The following NUMB variants were observed in gnomAD, a reference collection of about 807,000 sequenced individuals.
NUMB encodes the protein NUMB endocytic adaptor protein, also known as protein numb homolog.
In NUMB, 29 loss-of-function variants were observed where a neutral mutation model predicts 59.7. The ratio of observed to expected loss-of-function variants is 0.49; its 90% CI spans 0.36 to 0.66. NUMB has a LOEUF of 0.66. Ranked by LOEUF, NUMB falls within the 30% of genes least tolerant of loss-of-function variation. The probability of loss-of-function intolerance (pLI) is 0.00; values close to 1 mark genes in which losing one functional copy is unlikely to be tolerated. For synonymous variants in NUMB, 288 were observed against 288.2 expected (o/e 1.00, Z 0.01); for missense variants, 723 against 822.0 (o/e 0.88, Z 1.47).
chr14:73,318,893 A>C (rs1891231972), intron 5 of NUMB, among the ~76,000 whole-genome samples: 2 of 152,352 alleles, frequency 1.3e-5, no homozygotes, highest in South Asian at 4.1e-4. Flanking sequence ...CTTCCAATTG[A>C]AGTTAATGTA....
At chr14:73,346,295 C>A (rs1273972495) in intron 4 of NUMB, among the ~76,000 whole-genome samples, 1 of 152,056 alleles carries the variant, frequency 6.6e-6, no homozygotes, top group Non-Finnish European at 1.5e-5. Flanking sequence ...GCTTGACCAA[C>A]ATGGAGAAAC....
At chr14:73,280,686 ATTTTTTTTTT>A (rs397852698) in intron 11 of NUMB, among the ~76,000 whole-genome samples, 98 of 87,696 alleles carry the variant, frequency 1.1e-3, no homozygotes, top group African/African-American at 4.0e-3. Context: ...TGTTGGTACT[ATTTTTTTTTT>A]TTTTTTTTTT....
chr14:73,369,240 A>G (rs545178491), intron 2 of NUMB, among the ~76,000 whole-genome samples: 2 of 152,064 alleles, frequency 1.3e-5, no homozygotes, highest in African/African-American at 4.8e-5. Context: ...ACAGGGTTTC[A>G]CCATGTTGGC....
intron 1 of NUMB, among the ~76,000 whole-genome samples, chr14:73,428,899 A>G (rs1359774929): frequency 1.3e-5 from 2 of 152,216 alleles, no homozygotes; most frequent in African/African-American, 4.8e-5. Flanking sequence ...TAGAACTTTA[A>G]TTGGAGAGGT....
chr14:73,353,072 G>GTTTTTCTTTTTTTTT (rs71450219), intron 4 of NUMB, among the ~76,000 whole-genome samples: 861 of 58,496 alleles, frequency 0.015, 226 homozygotes, highest in East Asian at 0.078. Flanking sequence ...AGTTTTTCTT[G>GTTTTTCTTTTTTTTT]TTTTTTTTTT....
At chr14:73,340,859 C>T (rs770964464) in intron 4 of NUMB, among the ~76,000 whole-genome samples, 30 of 152,166 alleles carry the variant, frequency 2.0e-4, no homozygotes, top group Non-Finnish European at 2.8e-4. Flanking sequence ...CCATGTGTCA[C>T]GGGAGGAACC....
In NUMB at chr14:73,288,875, T is replaced by TA. The variant is rs1211811206; in HGVS notation, c.451-1562dup. Among the ~76,000 whole-genome samples, 9 of 149,620 alleles carry TA rather than the reference T, an allele frequency of 6.0e-5. No homozygotes were observed. In the South Asian group the frequency reaches 1.1e-3, roughly 18 times the overall value. ...ACTCCGTCTCAAAAAAAATAATAAT[T>TA]AAAAAAAAAGAAAAAGAAAAAATTA... On this transcript the variant is annotated intron_variant, in intron 8 of 12. Transcript: ENST00000555238.
At chr14:73,298,705 T>C (rs936889375) in intron 6 of NUMB, 6 of 152,162 alleles carry the variant, frequency 3.9e-5, no homozygotes, top group African/African-American at 1.4e-4. Context: ...AGGGAGACTT[T>C]TAGAACTACC....
chr14:73,396,183 A>G (rs1488635016), intron 2 of NUMB, among the ~76,000 whole-genome samples: 1 of 152,168 alleles, frequency 6.6e-6, no homozygotes, highest in East Asian at 1.9e-4. Flanking sequence ...CCTGGGCTCA[A>G]GTGATCCTCC....
intron 2 of NUMB, among the ~76,000 whole-genome samples, chr14:73,407,652 GTTAAA>G (rs1292309889): frequency 2.6e-5 from 4 of 152,252 alleles, no homozygotes; most frequent in African/African-American, 9.6e-5. Context: ...AACCGACTCT[GTTAAA>G]TTAAACTCAT....
At chr14:73,384,421 A>G (rs952261408) in intron 2 of NUMB, among the ~76,000 whole-genome samples, 1 of 152,130 alleles carries the variant, frequency 6.6e-6, no homozygotes, top group African/African-American at 2.4e-5. Flanking sequence ...CTTTCAGACA[A>G]AAATAGAACA....
At chr14:73,374,042 T>C (rs1374910985) in intron 2 of NUMB, among the ~76,000 whole-genome samples, 1 of 152,124 alleles carries the variant, frequency 6.6e-6, no homozygotes, top group Non-Finnish European at 1.5e-5. Context: ...CTAATTTTTG[T>C]ATTTTTAGTA....
intron 1 of NUMB, among the ~76,000 whole-genome samples, chr14:73,423,624 G>C (rs1897452067): frequency 6.6e-6 from 1 of 150,844 alleles, no homozygotes; most frequent in Admixed American, 6.6e-5. Flanking sequence ...CTGAGCATCA[G>C]AGCAAGATTC....
chr14:73,367,348 T>TATATATATATAGAGAGAGAGAGAG (rs1555375287), intron 2 of NUMB, among the ~76,000 whole-genome samples: 24 of 105,284 alleles, frequency 2.3e-4, no homozygotes, highest in African/African-American at 1.2e-3. Context: ...TATATATATA[T>TATATATATATAGAGAGAGAGAGAG]AGAGAGAGAG....
intron 1 of NUMB, among the ~76,000 whole-genome samples, chr14:73,456,753 G>A (rs1350577251): frequency 6.6e-6 from 1 of 152,168 alleles, no homozygotes; most frequent in Non-Finnish European, 1.5e-5. Flanking sequence ...ATTATTACCG[G>A]TTTCATTAAA....
intron 1 of NUMB, among the ~76,000 whole-genome samples, chr14:73,420,592 C>T (rs1030737710): frequency 1.3e-5 from 2 of 152,064 alleles, no homozygotes; most frequent in African/African-American, 2.4e-5. Flanking sequence ...TGCCAACGCA[C>T]GCGGATTGCT....
rs780700681 is a variant in NUMB at position 73,277,300 on chromosome 14, CCAA to C, written c.1241-10_1241-8del. 35 of 1,584,416 alleles carry C rather than the reference CCAA, an allele frequency of 2.2e-5. No homozygotes were observed. The highest frequency in any genetic ancestry group is 2.6e-5 in the Non-Finnish European group (30 of 1,159,760). On this transcript the variant is annotated splice_polypyrimidine_tract_variant and splice_region_variant and intron_variant, in intron 12 of 12. Transcript: ENST00000555238. ...GATTGACCCCACTCGGTCCCTGGAA[CCAA>C]CAAGATGAGAGACAAAAGAATCAGT...
intron 1 of NUMB, among the ~76,000 whole-genome samples, chr14:73,417,572 A>G (rs1024278511): frequency 6.6e-6 from 1 of 152,016 alleles, no homozygotes; most frequent in Admixed American, 6.6e-5. Flanking sequence ...AAAGGTATGT[A>G]TTGATTAAAA....
intron 1 of NUMB, among the ~76,000 whole-genome samples, chr14:73,439,452 G>A (rs1049714234): frequency 2.0e-5 from 3 of 152,040 alleles, no homozygotes; most frequent in African/African-American, 7.2e-5. Context: ...CTTACAAATT[G>A]TAAAATAATT....
Sources: allele counts gnomAD v4.1 joint callset (sites outside exome capture counted in the v4.1 genomes callset), GRCh38; gene constraint gnomAD v4.1.1; transcripts MANE v1.5; gene names NCBI Gene and HGNC (gene_info 2026-07-23, HGNC 2026-07-21).